PIAS1: variants seen among roughly 807,000 people sequenced by gnomAD.
PIAS1 encodes protein inhibitor of activated STAT 1, also known as E3 SUMO-protein ligase PIAS1.
Under a neutral mutation model 71.3 loss-of-function variants are expected in PIAS1, and 6 were observed. The ratio of observed to expected loss-of-function variants is 0.08; its 90% CI spans 0.05 to 0.17. The LOEUF (loss-of-function observed/expected upper bound fraction) is 0.17, where lower values mean the gene tolerates loss of function less well. Among genes scored for constraint, PIAS1 ranks in the 10% least tolerant of loss-of-function variants. The pLI, the probability that PIAS1 is intolerant of heterozygous loss-of-function variation, is 1.00. For missense variants in PIAS1, 555 were observed against 793.6 expected (o/e 0.70, Z 3.61); for synonymous variants, 303 against 292.9 (o/e 1.03, Z -0.35).
intron 2 of PIAS1, among the ~76,000 whole-genome samples, chr15:68,099,946 T>C (rs890266614): frequency 1.3e-5 from 2 of 152,194 alleles, no homozygotes; most frequent in Non-Finnish European, 2.9e-5. Flanking sequence ...TTTGGTGAAA[T>C]GTCTGTGCAT....
In PIAS1 at chr15:68,142,446, A is replaced by G. The variant is rs1595761628; in HGVS notation, c.602+109A>G. On this transcript the variant is annotated intron_variant, in intron 4 of 13. Transcript: ENST00000249636. ...TGACTGTAGGATATATTCAAAGTTTAAAAGATAATATTCCTTATCAGGAAG... is the reference window on the plus strand; with the variant it reads ...TGACTGTAGGATATATTCAAAGTTTGAAAGATAATATTCCTTATCAGGAAG... The G allele has an allele frequency of 1.1e-5, 9 of 844,666 alleles. 1 individual carries two copies. The East Asian group carries it at 2.3e-4, about 22-fold the overall frequency. The allele number at this position is 844,666 out of a possible 1,614,324, so 52.3% of individuals were successfully genotyped here.
chr15:68,095,527 C>CT (rs1161480690), intron 2 of PIAS1, among the ~76,000 whole-genome samples: 2,744 of 131,976 alleles, frequency 0.021, 44 homozygotes, highest in East Asian at 0.047. Flanking sequence ...TTAAGACATT[C>CT]TTTTTTTTTT....
intron 7 of PIAS1, 38 bp from the exon 8 acceptor site, chr15:68,164,693 T>C: frequency 8.4e-7 from 1 of 1,195,264 alleles, no homozygotes. Flanking sequence ...TTAATAAAAC[T>C]CTGTTTGCTT....
At chr15:68,138,537 C>T (rs964474686) in intron 2 of PIAS1, among the ~76,000 whole-genome samples, 2 of 152,114 alleles carry the variant, frequency 1.3e-5, no homozygotes, top group Non-Finnish European at 2.9e-5. Flanking sequence ...TGCAGTGCGG[C>T]GATCTCGGCT....
intron 2 of PIAS1, among the ~76,000 whole-genome samples, chr15:68,099,238 ACTATAT>A (rs1272547235): frequency 2.0e-5 from 3 of 150,356 alleles, no homozygotes; most frequent in Non-Finnish European, 4.4e-5. Flanking sequence ...AGGCTGGGTG[ACTATAT>A]ATGTATATAT....
chr15:68,090,927 G>GGGGTGTGT (rs71455575), intron 2 of PIAS1, among the ~76,000 whole-genome samples: 56 of 142,854 alleles, frequency 3.9e-4, no homozygotes, highest in Middle Eastern at 3.5e-3. Context: ...GTCATTTACG[G>GGGGTGTGT]GTGTGTGTGT....
intron 7 of PIAS1, among the ~76,000 whole-genome samples, chr15:68,155,462 A>AAAAAC (rs1555431871): frequency 2.0e-5 from 3 of 151,254 alleles, no homozygotes; most frequent in East Asian, 1.9e-4. Flanking sequence ...AAAAAAAAAA[A>AAAAAC]AAAAAAAAAA....
intron 8 of PIAS1, among the ~76,000 whole-genome samples, chr15:68,168,080 C>T (rs999453471): frequency 6.6e-6 from 1 of 152,038 alleles, no homozygotes. Context: ...GTGATCTCAG[C>T]TCACTGCAAC....
chr15:68,188,079 AAGAAAAG>A lies in PIAS1; in HGVS notation c.*246_*252del. 3.4e-6 allele frequency: 1 copy of A among 293,908 alleles called. No individual in the cohort carries two copies. The allele number at this position is 293,908 out of a possible 1,614,324, so 18.2% of individuals were successfully genotyped here. ...AACACTTGTTTAAAAAAAAAAAGGA[AAGAAAAG>A]AAAAAAGAAAAACAAGCACCCACAA... On this transcript the variant is annotated 3_prime_UTR_variant, in exon 14 of 14. Coordinates refer to ENST00000249636, the MANE Select transcript of PIAS1 (RefSeq NM_016166.3).
intron 7 of PIAS1, among the ~76,000 whole-genome samples, chr15:68,159,906 T>C (rs564755813): frequency 5.7e-4 from 87 of 152,280 alleles, no homozygotes; most frequent in African/African-American, 2.1e-3. Flanking sequence ...GCAATTTCTT[T>C]TAAAGTAAAT....
intron 12 of PIAS1, 172 bp downstream of exon 12, chr15:68,181,526 T>C: frequency 1.7e-6 from 1 of 582,510 alleles, no homozygotes; most frequent in Non-Finnish European, 3.0e-6. Flanking sequence ...ACCCAGTTCG[T>C]TGATTGTACT....
intron 2 of PIAS1, among the ~76,000 whole-genome samples, chr15:68,110,776 T>C (rs1419808672): frequency 6.6e-6 from 1 of 152,104 alleles, no homozygotes; most frequent in Non-Finnish European, 1.5e-5. Context: ...ATAAATTCTA[T>C]GTAGTTGCAG....
Position 68,069,598 on chromosome 15 carries a change from C to T in PIAS1, c.24+15248C>T, listed in dbSNP as rs553583526. On this transcript the variant is annotated intron_variant, in intron 1 of 13. Transcript: ENST00000249636. Reference sequence around the variant, plus strand: ...CGGGCGGATGACAAGGTCAGGAGATCGAGACCATCCCGGCTAACACGGTGA... The same window carrying T: ...CGGGCGGATGACAAGGTCAGGAGATTGAGACCATCCCGGCTAACACGGTGA... Among the ~76,000 whole-genome samples, 35 of 152,064 alleles carry T rather than the reference C, an allele frequency of 2.3e-4. No homozygotes were observed. In the South Asian group the frequency reaches 6.2e-3, roughly 27 times the overall value.
At chr15:68,076,092 C>T (rs1457490641) in intron 1 of PIAS1, among the ~76,000 whole-genome samples, 1 of 152,116 alleles carries the variant, frequency 6.6e-6, no homozygotes, top group Non-Finnish European at 1.5e-5. Flanking sequence ...CCACCTAGGG[C>T]TTTTAGAACA....
chr15:68,141,301 A>G (rs1327281562), intron 2 of PIAS1, among the ~76,000 whole-genome samples: 1 of 152,104 alleles, frequency 6.6e-6, no homozygotes, highest in Non-Finnish European at 1.5e-5. Context: ...ACCTGCTTGC[A>G]TGCGTTTCTC....
chr15:68,093,817 T>A (rs1349995136), intron 2 of PIAS1, among the ~76,000 whole-genome samples: 1 of 152,210 alleles, frequency 6.6e-6, no homozygotes, highest in Non-Finnish European at 1.5e-5. Context: ...CCTAGTCATT[T>A]TTTCTTGTCT....
At chr15:68,069,215 A>G (rs1399163580) in intron 1 of PIAS1, among the ~76,000 whole-genome samples, 1 of 152,106 alleles carries the variant, frequency 6.6e-6, no homozygotes, top group African/African-American at 2.4e-5. Context: ...TTTTTTGGAT[A>G]CATTTAAAAA....
At chr15:68,145,203 A>C (rs574402468) in intron 4 of PIAS1, among the ~76,000 whole-genome samples, 5 of 152,314 alleles carry the variant, frequency 3.3e-5, no homozygotes, top group Middle Eastern at 3.4e-3. Context: ...TAGTATTCTA[A>C]ATTTATGTGG....
In PIAS1 at chr15:68,100,101, A is replaced by G. The variant is rs866122814; in HGVS notation, c.469+13351A>G. Among the ~76,000 whole-genome samples the G allele has an allele frequency of 2.0e-3, 111 of 56,210 alleles. 1 individual carries two copies. In the East Asian group the frequency reaches 0.063, roughly 32 times the overall value. 36.9% of individuals were successfully genotyped at this position (56,210 alleles called of 152,430 possible). ...TCTGTAGCTTGTATTTCTTCGGGAA[A>G]AAAAAAAAAAAAACACCTTTTGATC... is the stretch of plus-strand genomic sequence containing the variant. On this transcript the variant is annotated intron_variant, in intron 2 of 13. Coordinates refer to ENST00000249636, the MANE Select transcript of PIAS1 (RefSeq NM_016166.3).
Sources: allele counts gnomAD v4.1 joint callset (sites outside exome capture counted in the v4.1 genomes callset), GRCh38; gene constraint gnomAD v4.1.1; transcripts MANE v1.5; gene names NCBI Gene and HGNC (gene_info 2026-07-23, HGNC 2026-07-21).